SMIM3: variants seen among roughly 807,000 people sequenced by gnomAD.
The protein encoded by SMIM3 is small integral membrane protein 3, also known as NGF-induced differentiation clone 67 protein.
SMIM3 carries 4 observed loss-of-function variants against 2.1 expected under a neutral mutation model. The ratio of observed to expected loss-of-function variants is 1.89; its 90% CI spans 0.93 to 4.31. SMIM3 has a LOEUF of 4.31. SMIM3 is among the 30% of genes most tolerant of loss of function. SMIM3 has a pLI of 0.01. For missense variants in SMIM3, 79 were observed against 77.7 expected (o/e 1.02, Z -0.06); for synonymous variants, 29 against 30.8 (o/e 0.94, Z 0.19).
At chr5:150,781,990 G>T (rs542312860) in intron 1 of SMIM3, among the ~76,000 whole-genome samples, 1 of 152,138 alleles carries the variant, frequency 6.6e-6, no homozygotes, top group Non-Finnish European at 1.5e-5. Context: ...GCTGTGTTCC[G>T]ATCTCTTTGA....
intron 1 of SMIM3, among the ~76,000 whole-genome samples, chr5:150,792,092 C>T (rs1753355169): frequency 6.6e-6 from 1 of 152,148 alleles, no homozygotes; most frequent in Non-Finnish European, 1.5e-5. Flanking sequence ...TTCTTGGGTA[C>T]TCTCCTTTGG....
intron 1 of SMIM3, among the ~76,000 whole-genome samples, chr5:150,789,405 A>G (rs1753326151): frequency 6.6e-6 from 1 of 152,182 alleles, no homozygotes; most frequent in South Asian, 2.1e-4. Flanking sequence ...ACTGGAACCC[A>G]TGTTACATGG....
In SMIM3 at chr5:150,791,434, C is replaced by T. The variant is rs557502256; in HGVS notation, c.-11-3996C>T. ...CCCCGACCTTCCAGCCTCTGGTGAC[C>T]ACCAGAGGCTTTGCTTTCTGCTTCT... is the stretch of plus-strand genomic sequence containing the variant. On this transcript the variant is annotated intron_variant, in intron 1 of 1. Transcript: ENST00000526627. 2.6e-3 allele frequency among the ~76,000 whole-genome samples: 398 copies of T among 152,136 alleles called. 1 individual carries two copies. The highest frequency in any genetic ancestry group is 3.5e-3 in the Non-Finnish European group (237 of 67,984).
At chr5:150,780,475 G>A (rs1330229482) in intron 1 of SMIM3, among the ~76,000 whole-genome samples, 1 of 152,140 alleles carries the variant, frequency 6.6e-6, no homozygotes, top group African/African-American at 2.4e-5. Context: ...TGCTGTGGGG[G>A]TTACAAGTCA....
chr5:150,794,795 T>C (rs931396907), intron 1 of SMIM3, among the ~76,000 whole-genome samples: 1 of 152,238 alleles, frequency 6.6e-6, no homozygotes, highest in Non-Finnish European at 1.5e-5. Flanking sequence ...GTTCCATTTA[T>C]TAAGTAGTTA....
chr5:150,784,790 A>G (rs1489259632), intron 1 of SMIM3, among the ~76,000 whole-genome samples: 1 of 152,142 alleles, frequency 6.6e-6, no homozygotes, highest in Non-Finnish European at 1.5e-5. Flanking sequence ...GTTTAAATCT[A>G]CCATCTTTCT....
chr5:150,785,442 A>G (rs1365160697), intron 1 of SMIM3, among the ~76,000 whole-genome samples: 2 of 152,098 alleles, frequency 1.3e-5, no homozygotes, highest in African/African-American at 2.4e-5. Flanking sequence ...CACCTCTTTG[A>G]AGAGATCATT....
intron 1 of SMIM3, among the ~76,000 whole-genome samples, chr5:150,791,146 A>G (rs1421404493): frequency 6.6e-6 from 1 of 152,196 alleles, no homozygotes; most frequent in Non-Finnish European, 1.5e-5. Flanking sequence ...CTTTCTTGAG[A>G]GTACACTCAG....
chr5:150,794,784 A>G (rs567071030), intron 1 of SMIM3, among the ~76,000 whole-genome samples: 1 of 152,318 alleles, frequency 6.6e-6, no homozygotes, highest in Non-Finnish European at 1.5e-5. Context: ...AATACCGAGC[A>G]GTTCCATTTA....
At chr5:150,790,144 C>T (rs564064444) in intron 1 of SMIM3, among the ~76,000 whole-genome samples, 5 of 152,248 alleles carry the variant, frequency 3.3e-5, no homozygotes, top group Admixed American at 6.5e-5. Context: ...ACCCCCTGGA[C>T]CTCAGTTTCA....
intron 1 of SMIM3, among the ~76,000 whole-genome samples, chr5:150,787,821 C>T (rs142109686): frequency 8.3e-4 from 127 of 152,128 alleles, no homozygotes; most frequent in Non-Finnish European, 1.3e-3. Flanking sequence ...TCGTGTGATC[C>T]TGTGTTTGAG....
chr5:150,790,135 C>G (rs545864438), intron 1 of SMIM3, among the ~76,000 whole-genome samples: 1 of 152,182 alleles, frequency 6.6e-6, no homozygotes, highest in East Asian at 1.9e-4. Context: ...AGGGAGAAGA[C>G]CCCCTGGACC....
intron 1 of SMIM3, among the ~76,000 whole-genome samples, chr5:150,791,277 AC>A (rs1753346459): frequency 1.3e-5 from 2 of 152,142 alleles, no homozygotes; most frequent in Admixed American, 1.3e-4. Flanking sequence ...TCCACTTAAA[AC>A]TTTTGGAGTT....
Position 150,795,081 on chromosome 5 carries a change from C to T in SMIM3, c.-11-349C>T, listed in dbSNP as rs1232423364. On this transcript the variant is annotated intron_variant, in intron 1 of 1. Coordinates refer to ENST00000526627, the MANE Select transcript of SMIM3 (RefSeq NM_032947.5). ...TCCCACCCATCTGGGTTCATGTTCT[C>T]GGTCAAATTAATGTCATCTTGCCTT... Among the ~76,000 whole-genome samples the T allele has an allele frequency of 4.6e-5, 7 of 152,112 alleles. No individual in the cohort carries two copies. The East Asian group carries it at 5.8e-4, about 13-fold the overall frequency.
chr5:150,793,530 A>G (rs1420712090), intron 1 of SMIM3, among the ~76,000 whole-genome samples: 1 of 152,132 alleles, frequency 6.6e-6, no homozygotes, highest in Non-Finnish European at 1.5e-5. Flanking sequence ...TACTTACAGC[A>G]AACTGACCTT....
At chr5:150,790,239 C>T (rs1022304611) in intron 1 of SMIM3, among the ~76,000 whole-genome samples, 2 of 152,136 alleles carry the variant, frequency 1.3e-5, no homozygotes, top group Non-Finnish European at 2.9e-5. Context: ...GTTCCTGTAT[C>T]TTACAGGCTT....
intron 1 of SMIM3, among the ~76,000 whole-genome samples, chr5:150,784,270 T>G (rs1753268388): frequency 6.6e-6 from 1 of 152,202 alleles, no homozygotes; most frequent in African/African-American, 2.4e-5. Flanking sequence ...CTCCAGAGCA[T>G]CCCTATGAAG....
At chr5:150,779,401 G>A (rs1753208657) in intron 1 of SMIM3, among the ~76,000 whole-genome samples, 2 of 152,180 alleles carry the variant, frequency 1.3e-5, no homozygotes, top group Admixed American at 1.3e-4. Flanking sequence ...CTGGGTTTGG[G>A]TCTTTGCACT....
intron 1 of SMIM3, among the ~76,000 whole-genome samples, chr5:150,789,978 A>G (rs1368266802): frequency 3.9e-5 from 6 of 152,182 alleles, no homozygotes; most frequent in Non-Finnish European, 8.8e-5. Context: ...CATTTGCAAA[A>G]GAGTAATATT....
Sources: allele counts gnomAD v4.1 joint callset (sites outside exome capture counted in the v4.1 genomes callset), GRCh38; gene constraint gnomAD v4.1.1; transcripts MANE v1.5; gene names NCBI Gene and HGNC (gene_info 2026-07-23, HGNC 2026-07-21).